Variants in CDKAL1 observed in about 807,000 individuals in gnomAD.
CDKAL1 encodes the protein threonylcarbamoyladenosine tRNA methylthiotransferase.
CDKAL1 carries 32 observed loss-of-function variants against 68.2 expected under a neutral mutation model. The observed-to-expected ratio is 0.47, with a 90% CI of 0.35 to 0.63. The LOEUF (loss-of-function observed/expected upper bound fraction) is 0.63, where lower values mean the gene tolerates loss of function less well. CDKAL1 is among the 30% of genes least tolerant of loss of function. The probability of loss-of-function intolerance (pLI) is 0.00; values close to 1 mark genes in which losing one functional copy is unlikely to be tolerated. For missense variants in CDKAL1, 606 were observed against 696.7 expected (o/e 0.87, Z 1.47); for synonymous variants, 234 against 244.3 (o/e 0.96, Z 0.39).
chr6:20,832,689 A>G (rs1420322707), intron 8 of CDKAL1, among the ~76,000 whole-genome samples: 1 of 152,120 alleles, frequency 6.6e-6, no homozygotes, highest in Non-Finnish European at 1.5e-5. Flanking sequence ...TAAGGAGGAT[A>G]TAAAATTATT....
intron 9 of CDKAL1, among the ~76,000 whole-genome samples, chr6:20,915,728 G>T (rs1266799005): frequency 1.3e-5 from 2 of 152,066 alleles, no homozygotes; most frequent in African/African-American, 4.8e-5. Flanking sequence ...GAAAACTTTT[G>T]TTCACACAGA....
intron 9 of CDKAL1, among the ~76,000 whole-genome samples, chr6:20,873,726 TG>T (rs1760342908): frequency 6.6e-6 from 1 of 152,088 alleles, no homozygotes; most frequent in Admixed American, 6.6e-5. Flanking sequence ...TTTATTTCCG[TG>T]GGTGTTTTAA....
At chr6:20,560,259 A>T (rs1276231089) in intron 4 of CDKAL1, among the ~76,000 whole-genome samples, 1 of 152,236 alleles carries the variant, frequency 6.6e-6, no homozygotes, top group Non-Finnish European at 1.5e-5. Context: ...TTTTTTAAAA[A>T]ACTTTTTAGC....
intron 9 of CDKAL1, among the ~76,000 whole-genome samples, chr6:20,882,599 T>C (rs1051942405): frequency 6.6e-6 from 1 of 152,256 alleles, no homozygotes; most frequent in Non-Finnish European, 1.5e-5. Flanking sequence ...ATTTTTGGTT[T>C]CATCCATATT....
intron 10 of CDKAL1, among the ~76,000 whole-genome samples, chr6:20,973,991 T>C (rs1195198502): frequency 6.6e-6 from 1 of 152,248 alleles, no homozygotes; most frequent in African/African-American, 2.4e-5. Context: ...AAGTATTATA[T>C]AGAAAACGCT....
rs1269134764 is a variant in CDKAL1, at chr6:20,725,804, A to AG, written c.372-13714dup. On this transcript the variant is annotated intron_variant, in intron 5 of 15. Coordinates refer to ENST00000274695, the MANE Select transcript of CDKAL1 (RefSeq NM_017774.3). ...CGTCTAAAAAAAAAAAAAAAAAAAAAGAAAAAGTTACACTGAGGACTAAAC... is the reference window on the plus strand; with the variant it reads ...CGTCTAAAAAAAAAAAAAAAAAAAAAGGAAAAAGTTACACTGAGGACTAAAC... Among the ~76,000 whole-genome samples the AG allele has an allele frequency of 4.4e-3, 656 of 148,764 alleles. 22 individuals carry two copies. The highest frequency in any genetic ancestry group is 0.014 in the South Asian group (65 of 4,718).
At chr6:20,917,636 T>C (rs115319157) in intron 9 of CDKAL1, among the ~76,000 whole-genome samples, 3,337 of 152,214 alleles carry the variant, frequency 0.022, 125 homozygotes, top group African/African-American at 0.075. Flanking sequence ...GTGTAAATTT[T>C]TTTCCCTCAC....
rs541007006 is a variant in CDKAL1, at chr6:20,647,091, T to A, written c.287-2202T>A. Among the ~76,000 whole-genome samples, 51 of 152,340 alleles carry A rather than the reference T, an allele frequency of 3.3e-4. No individual in the cohort carries two copies. In the South Asian group the frequency reaches 0.01, roughly 31 times the overall value. ...AAACTAACAATTGCTAGTTTTTTTT[T>A]ATCATTAGCTAGCAGACATCTGTGA... On this transcript the variant is annotated intron_variant, in intron 4 of 15. Coordinates refer to ENST00000274695, the MANE Select transcript of CDKAL1 (RefSeq NM_017774.3).
At chr6:20,767,057 A>G (rs1378463623) in intron 7 of CDKAL1, among the ~76,000 whole-genome samples, 1 of 152,182 alleles carries the variant, frequency 6.6e-6, no homozygotes, top group Non-Finnish European at 1.5e-5. Flanking sequence ...ATTATAACCA[A>G]CTTTTAAGAG....
chr6:21,200,656 G>A (rs1290855331), intron 14 of CDKAL1, among the ~76,000 whole-genome samples: 1 of 152,234 alleles, frequency 6.6e-6, no homozygotes, highest in Non-Finnish European at 1.5e-5. Flanking sequence ...CTGTCCAGAA[G>A]TGGCTGGCTG....
rs1554191161 is a variant in CDKAL1, at chr6:21,169,929, C to CCA, written c.1300-28092_1300-28091insCA. Among the ~76,000 whole-genome samples the CCA allele has an allele frequency of 2.1e-4, 29 of 136,212 alleles. 2 individuals are homozygous for CCA. Among genetic ancestry groups the CCA allele is most frequent in the Non-Finnish European group, 7.8e-5 (5 of 64,078 alleles). 89.4% of individuals were successfully genotyped at this position (136,212 alleles called of 152,430 possible). ...AGAACAGTACGGGAAAGACCCCCCC[C>CCA]ACCCCATGATTCAGTTACCTCCCAC... On this transcript the variant is annotated intron_variant, in intron 13 of 15. Transcript: ENST00000274695.
rs554361330 is a variant in CDKAL1 at position 20,673,888 on chromosome 6, C to A, written c.371+24511C>A. Among the ~76,000 whole-genome samples the A allele has an allele frequency of 2.6e-5, 4 of 152,294 alleles. No homozygotes were observed. In the South Asian group the frequency reaches 8.3e-4, roughly 32 times the overall value. ...GTAAATTGCCCAGTCTTGGGTATGT[C>A]TTTATCAGCAGTGTGAAAACAGACT... On this transcript the variant is annotated intron_variant, in intron 5 of 15. Transcript: ENST00000274695.
intron 10 of CDKAL1, among the ~76,000 whole-genome samples, chr6:20,971,327 T>A (rs1355160127): frequency 6.6e-6 from 1 of 152,248 alleles, no homozygotes; most frequent in East Asian, 1.9e-4. Flanking sequence ...CCCTTCACTA[T>A]GCCGTGTCAC....
chr6:20,715,763 A>G (rs1772062362), intron 5 of CDKAL1, among the ~76,000 whole-genome samples: 1 of 152,160 alleles, frequency 6.6e-6, no homozygotes, highest in South Asian at 2.1e-4. Context: ...GATATTCTGA[A>G]AATATATTTA....
intron 9 of CDKAL1, among the ~76,000 whole-genome samples, chr6:20,894,858 G>A (rs1240761239): frequency 1.3e-5 from 2 of 152,060 alleles, no homozygotes; most frequent in Non-Finnish European, 2.9e-5. Context: ...TATATATACA[G>A]TAGGTAAGAT....
chr6:20,612,934 C>G (rs1441948660), intron 4 of CDKAL1, among the ~76,000 whole-genome samples: 1 of 150,504 alleles, frequency 6.6e-6, no homozygotes, highest in Non-Finnish European at 1.5e-5. Flanking sequence ...AAGACTCCAT[C>G]CATCTGCCGT....
At chr6:20,980,344 T>A (rs1432361494) in intron 10 of CDKAL1, among the ~76,000 whole-genome samples, 1 of 151,970 alleles carries the variant, frequency 6.6e-6, no homozygotes, top group Admixed American at 6.6e-5. Context: ...TTCACGCCAT[T>A]CTCCTGCCTC....
chr6:20,792,488 T>C (rs1258820995), intron 8 of CDKAL1, among the ~76,000 whole-genome samples: 1 of 152,244 alleles, frequency 6.6e-6, no homozygotes, highest in Non-Finnish European at 1.5e-5. Flanking sequence ...AAATATATTT[T>C]ATGTACTGTT....
At chr6:21,124,840 A>G (rs1774910988) in intron 13 of CDKAL1, among the ~76,000 whole-genome samples, 1 of 151,938 alleles carries the variant, frequency 6.6e-6, no homozygotes, top group African/African-American at 2.4e-5. Flanking sequence ...TGCCATCCAG[A>G]CTGTTGATCC....
Sources: gnomAD v4.1 joint callset for allele counts (sites outside exome capture counted in the v4.1 genomes callset) on GRCh38, gnomAD v4.1.1 for gene constraint, MANE v1.5 for transcripts, NCBI Gene and HGNC (gene_info 2026-07-23, HGNC 2026-07-21) for gene names.